ACAP3: variants seen among roughly 807,000 people sequenced by gnomAD.
ACAP3 encodes the protein ArfGAP with coiled-coil, ankyrin repeat and PH domains 3.
In ACAP3, 56 loss-of-function variants were observed where a neutral mutation model predicts 104.1. The observed-to-expected ratio is 0.54, with a 90% CI of 0.43 to 0.67. The LOEUF (loss-of-function observed/expected upper bound fraction) is 0.67, where lower values mean the gene tolerates loss of function less well. Among genes scored for constraint, ACAP3 ranks in the 30% least tolerant of loss-of-function variants. The pLI is 0.00. For missense variants in ACAP3, 1,208 were observed against 1,174.9 expected (o/e 1.03, Z -0.41); for synonymous variants, 628 against 496.2 (o/e 1.27, Z -3.53).
At chr1:1,307,632 G>C (rs1641800001) in intron 1 of ACAP3, 137 bp downstream of exon 1, 2 of 948,108 alleles carry the variant, frequency 2.1e-6, no homozygotes, top group Non-Finnish European at 2.6e-6. Context: ...CCGCCGCTTT[G>C]TCCGAGGCCG....
rs1641814122 is a variant in ACAP3, at chr1:1,307,852, C to T, written c.-37G>A. The T allele has an allele frequency of 3.9e-6, 4 of 1,018,090 alleles. No individual in the cohort carries two copies. The highest frequency in any genetic ancestry group is 4.7e-4 in the Middle Eastern group (1 of 2,128). The allele number at this position is 1,018,090 out of a possible 1,614,324, so 63.1% of individuals were successfully genotyped here. On this transcript the variant is annotated 5_prime_UTR_variant, in exon 1 of 24. Coordinates refer to ENST00000354700, the MANE Select transcript of ACAP3 (RefSeq NM_030649.3). ...CCGCGGCGCTCACTGGCACGAGGAC[C>T]GCGGCGCCGAGCGGCAGCCGCGCCG...
At chr1:1,301,887 G>A in intron 5 of ACAP3, 101 bp downstream of exon 5, 4 of 1,167,852 alleles carry the variant, frequency 3.4e-6, no homozygotes, top group Non-Finnish European at 3.5e-6. Context: ...CAGCCTGGAG[G>A]CCTGGGCCCA....
intron 14 of ACAP3, among the ~76,000 whole-genome samples, chr1:1,297,116 CCGGCACGGGGCAGGGGCCATCCCCAG>C (rs1641209318): frequency 6.6e-6 from 1 of 152,042 alleles, no homozygotes; most frequent in East Asian, 1.9e-4. Flanking sequence ...GGTGTGTGCA[CCGGCACGGGGCAGGGGCCATCCCCAG>C]TGGCACGTGT....
Position 1,302,015 on chromosome 1 carries a change from C to T in ACAP3, c.311G>A (p.Arg104Gln), listed in dbSNP as rs768065124. ...ILFDQAQRSV[R>Q]QQLQSFVKED... ...TTTGACAAAGCTCTGGAGCTGCTGC[C>T]GCACGGACCTCTGGGCCTGGTCAAA... The change falls in exon 5 of 24, where the codon CGG becomes CAG. Residue 104 changes from arginine to glutamine, a missense_variant. Coordinates refer to ENST00000354700, the MANE Select transcript of ACAP3 (RefSeq NM_030649.3). The T allele has an allele frequency of 3.6e-5, 56 of 1,571,746 alleles. No homozygotes were observed. The highest frequency in any genetic ancestry group is 7.1e-5 in the East Asian group (3 of 42,354).
intron 10 of ACAP3, 28 bp downstream of exon 10, chr1:1,299,317 A>G: frequency 1.3e-6 from 2 of 1,594,990 alleles, no homozygotes; most frequent in Non-Finnish European, 1.7e-6. Context: ...CCCGACCCAC[A>G]GCCCGCCCAG....
rs767025716 is a variant in ACAP3 at position 1,297,931 on chromosome 1, C to T, written c.1019G>A (p.Ser340Asn). The change falls in exon 14 of 24, where the codon AGC becomes AAC. Residue 340 changes from serine to asparagine, a missense_variant and splice_region_variant. Ser to Asn is a conservative substitution (Grantham distance 46). Coordinates refer to ENST00000354700, the MANE Select transcript of ACAP3 (RefSeq NM_030649.3). ...FCFEVLSPTKSCMLQADSEKL... is the reference protein window; with the variant it reads ...FCFEVLSPTKNCMLQADSEKL... The stretch of plus-strand genomic sequence containing the variant: ...CTCGGAGTCAGCCTGCAGCATGCAG[C>T]TCCTGCAGGCAGTGGAGGGGCGGGC... 1 of 1,611,760 alleles carries T rather than the reference C, an allele frequency of 6.2e-7. No homozygotes were observed.
chr1:1,302,894 C>T (rs777839268), intron 4 of ACAP3, 28 bp downstream of exon 4: 35 of 1,608,616 alleles, frequency 2.2e-5, no homozygotes, highest in Non-Finnish European at 2.9e-5. Flanking sequence ...CAGGCACAGC[C>T]CACAGGTGGC....
chr1:1,302,029 G>A lies in ACAP3; in HGVS notation c.297C>T (p.Ala99=). 6.4e-7 allele frequency: 1 copy of A among 1,564,894 alleles called. No homozygotes were observed. The highest frequency in any genetic ancestry group is 8.7e-7 in the Non-Finnish European group (1 of 1,152,646). Residue 99 remains alanine (A), a synonymous_variant, in exon 5 of 24, where the codon GCC becomes GCT. Transcript: ENST00000354700. ...VNYHMILFDQ[A]QRSVRQQLQS... The stretch of plus-strand genomic sequence containing the variant: ...GGAGCTGCTGCCGCACGGACCTCTG[G>A]GCCTGGTCAAACAGGATCTGGGGGC...
chr1:1,295,423 T>C, intron 19 of ACAP3, 24 bp downstream of exon 19: 1 of 1,606,894 alleles, frequency 6.2e-7, no homozygotes, highest in Non-Finnish European at 8.5e-7. Context: ...CCCTGCCACC[T>C]GGCTGGGCCC....
In ACAP3 at chr1:1,303,329, A is replaced by G; in HGVS notation, c.106-48T>C. ...GAGCACAGTGGGCACTGGCGCCTGC[A>G]CTCGCCACCACACACGGCCACTCAG... On this transcript the variant is annotated intron_variant, in intron 2 of 23. Transcript: ENST00000354700. The surrounding 1 kb of genome is among the most constrained non-coding windows in gnomAD (Gnocchi z 4.0). The G allele has an allele frequency of 1.3e-6, 2 of 1,543,100 alleles. No homozygotes were observed. The highest frequency in any genetic ancestry group is 1.7e-6 in the Non-Finnish European group (2 of 1,142,906).
In ACAP3 at chr1:1,293,656, C is replaced by G. The variant is rs1364934895; in HGVS notation, c.2413G>C (p.Gly805Arg). The change falls in exon 24 of 24, where the codon GGT becomes CGT. Residue 805 changes from glycine (G) to arginine (R), a missense_variant. By Grantham distance (125) the Gly-to-Arg change is moderately radical (BLOSUM62 -2). Transcript: ENST00000354700. ...EEMREAEAAP[G>R]PPGALAGSPT... ...CTGCCCGCCAGGGCGCCCGGGGGAC[C>G]AGGGGCAGCCTCGGCCTCGCGCATT... 1.4e-6 allele frequency: 2 copies of G among 1,475,574 alleles called. No homozygotes were observed. The highest frequency in any genetic ancestry group is 3.0e-5 in the African/African-American group (2 of 66,844). The allele number at this position is 1,475,574 out of a possible 1,614,324, so 91.4% of individuals were successfully genotyped here. A position where few individuals can be genotyped will look rare whatever the true frequency, so the allele number is the denominator to read the frequency against.
chr1:1,293,621 C>T lies in ACAP3; in HGVS notation c.2448G>A (p.Glu816=), dbSNP rs746386646. The change falls in exon 24 of 24, where the codon GAG becomes GAA. Residue 816 remains glutamate, a synonymous_variant. Transcript: ENST00000354700. ...CCTGGATACACCTGCGGAACTGGAG[C>T]TCCGTGGGGCTGCCCGCCAGGGCGC... ...PPGALAGSPT[E]LQFRRCIQEF... 17 of 1,493,162 alleles carry T rather than the reference C, an allele frequency of 1.1e-5. No homozygotes were observed. In the East Asian group the frequency reaches 2.2e-4, roughly 20 times the overall value. 92.5% of individuals were successfully genotyped at this position (1,493,162 alleles called of 1,614,324 possible).
rs117919883 is a variant in ACAP3, at chr1:1,298,196, G to A, written c.916-83C>T. ...ACTTCCTGCTTCACCTTGGAGACCC[G>A]GAGGCCGACTGCCTGAGCCCCAAGC... On this transcript the variant is annotated intron_variant, in intron 12 of 23. Transcript: ENST00000354700. The A allele has an allele frequency of 4.9e-4, 769 of 1,561,932 alleles. 7 individuals carry two copies. The East Asian group carries it at 0.012, about 25-fold the overall frequency.
In ACAP3 at chr1:1,303,458, G is replaced by T. The variant is rs1174625775; in HGVS notation, c.106-177C>A. Reference sequence around the variant, plus strand: ...CGCCTGGGCCTGCCTGGGGCTTGGAGGCCCGTCTGGGAGGGGAGGGTGGGG... The same window carrying T: ...CGCCTGGGCCTGCCTGGGGCTTGGATGCCCGTCTGGGAGGGGAGGGTGGGG... On this transcript the variant is annotated intron_variant, in intron 2 of 23. Coordinates refer to ENST00000354700, the MANE Select transcript of ACAP3 (RefSeq NM_030649.3). This position sits in a 1 kb window ranked among gnomAD's most constrained non-coding sequence, Gnocchi z 4.0. The T allele has an allele frequency of 8.3e-6, 7 of 840,654 alleles. No individual in the cohort carries two copies. Among genetic ancestry groups the T allele is most frequent in the Non-Finnish European group, 1.2e-5 (7 of 563,862 alleles). The allele number at this position is 840,654 out of a possible 1,614,324, so 52.1% of individuals were successfully genotyped here. A position where few individuals can be genotyped will look rare whatever the true frequency, so the allele number is the denominator to read the frequency against.
chr1:1,297,879 A>G lies in ACAP3; in HGVS notation c.1071T>C (p.Ala357=). The G allele has an allele frequency of 6.2e-7, 1 of 1,611,956 alleles. No homozygotes were observed. Among genetic ancestry groups the G allele is most frequent in the Non-Finnish European group, 8.5e-7 (1 of 1,179,488 alleles). The change falls in exon 14 of 24, where the codon GCT becomes GCC. Residue 357 remains alanine, a synonymous_variant. Coordinates refer to ENST00000354700, the MANE Select transcript of ACAP3 (RefSeq NM_030649.3). ...AGGCGGAGGCGATGCTGGCCTGCAC[A>G]GCCTGGACCCAGGCTTGCCGCAGCT... The part of the protein sequence containing the change: ...SEKLRQAWVQ[A]VQASIASAYR...
rs746386646 is a variant in ACAP3, at chr1:1,293,621, C to G, written c.2448G>C (p.Glu816Asp). 7.5e-5 allele frequency: 112 copies of G among 1,493,054 alleles called. No individual in the cohort carries two copies. The highest frequency in any genetic ancestry group is 9.8e-5 in the Non-Finnish European group (110 of 1,127,200). 92.5% of individuals were successfully genotyped at this position (1,493,054 alleles called of 1,614,324 possible). A position where few individuals can be genotyped will look rare whatever the true frequency, so the allele number is the denominator to read the frequency against. ...CCTGGATACACCTGCGGAACTGGAG[C>G]TCCGTGGGGCTGCCCGCCAGGGCGC... ...PPGALAGSPTELQFRRCIQEF... is the reference protein window; with the variant it reads ...PPGALAGSPTDLQFRRCIQEF... Residue 816 changes from glutamate (E) to aspartate (D), a missense_variant, in exon 24 of 24, where the codon GAG (glutamate) becomes GAC (aspartate). By Grantham distance (45) the Glu-to-Asp change is conservative (BLOSUM62 2). Transcript: ENST00000354700.
At chr1:1,306,598 A>G (rs1249736107) in intron 1 of ACAP3, among the ~76,000 whole-genome samples, 1 of 152,158 alleles carries the variant, frequency 6.6e-6, no homozygotes, top group Non-Finnish European at 1.5e-5. Context: ...CCAGGGATAC[A>G]GAGGCTCCCC....
At chr1:1,299,139 G>T (rs1405126652) in intron 10 of ACAP3, 1 of 658,430 alleles carries the variant, frequency 1.5e-6, no homozygotes, top group Admixed American at 3.0e-5. Context: ...GGCCACATGG[G>T]ATGGGAAGGG....
rs1331685351 is a variant in ACAP3 at position 1,293,663 on chromosome 1, A to G, written c.2406T>C (p.Ala802=). 106 of 1,460,726 alleles carry G rather than the reference A, an allele frequency of 7.3e-5. No individual in the cohort carries two copies. Among genetic ancestry groups the G allele is most frequent in the Non-Finnish European group, 9.3e-5 (104 of 1,116,310 alleles). 90.5% of individuals were successfully genotyped at this position (1,460,726 alleles called of 1,614,324 possible). The change falls in exon 24 of 24, where the codon GCT becomes GCC. Residue 802 remains alanine (A), a synonymous_variant. Transcript: ENST00000354700. Reference sequence around the variant, plus strand: ...CCAGGGCGCCCGGGGGACCAGGGGCAGCCTCGGCCTCGCGCATTTCCTCCG... The same window carrying G: ...CCAGGGCGCCCGGGGGACCAGGGGCGGCCTCGGCCTCGCGCATTTCCTCCG... The part of the protein sequence containing the change: ...RMAEEMREAE[A]APGPPGALAG...
Sources: allele counts gnomAD v4.1 joint callset (sites outside exome capture counted in the v4.1 genomes callset), GRCh38; gene constraint gnomAD v4.1.1; non-coding constraint Gnocchi (gnomAD v3.1); transcripts MANE v1.5; gene names NCBI Gene and HGNC (gene_info 2026-07-23, HGNC 2026-07-21).